The following GOLGA1 variants were observed in gnomAD, a reference collection of about 807,000 sequenced individuals.
GOLGA1 encodes golgin A1.
In GOLGA1, 63 loss-of-function variants were observed where a neutral mutation model predicts 119.7. That is an observed-to-expected ratio of 0.53 (90% confidence interval 0.43 to 0.65). The LOEUF (loss-of-function observed/expected upper bound fraction) is 0.65. Ranked by LOEUF, GOLGA1 falls within the 30% of genes least tolerant of loss-of-function variation. GOLGA1 has a pLI of 0.00. For synonymous variants in GOLGA1, 318 were observed against 333.4 expected (o/e 0.95, Z 0.50); for missense variants, 798 against 912.8 (o/e 0.87, Z 1.62).
chr9:124,888,202 A>T lies in GOLGA1; in HGVS notation c.1905+51T>A. 1 of 1,576,300 alleles carries T rather than the reference A, an allele frequency of 6.3e-7. No individual in the cohort carries two copies. The highest frequency in any genetic ancestry group is 8.7e-7 in the Non-Finnish European group (1 of 1,146,364). On this transcript the variant is annotated intron_variant, in intron 19 of 22. Transcript: ENST00000373555. This position sits in a 1 kb window ranked among gnomAD's most constrained non-coding sequence, Gnocchi z 4.4. ...GATGGACTGGGTCATTTTAGGCCTG[A>T]GGGTGAGGACCTGGTGGAGACAGAA...
At chr9:124,887,179 G>C (rs959926435) in intron 19 of GOLGA1, among the ~76,000 whole-genome samples, 1 of 152,244 alleles carries the variant, frequency 6.6e-6, no homozygotes, top group African/African-American at 2.4e-5. Flanking sequence ...AGCACAGCTG[G>C]TAAGGCCAGA....
chr9:124,923,073 C>T, intron 8 of GOLGA1, 22 bp downstream of exon 8: 1 of 1,567,514 alleles, frequency 6.4e-7, no homozygotes, highest in Non-Finnish European at 8.7e-7. Context: ...CAGTATTTAG[C>T]TACTAAAACA....
Position 124,881,122 on chromosome 9 carries a change from A to C in GOLGA1, c.2223+49T>G. 1.0e-6 allele frequency: 1 copy of C among 984,350 alleles called. No homozygotes were observed. The highest frequency in any genetic ancestry group is 2.4e-5 in the East Asian group (1 of 42,172). The allele number at this position is 984,350 out of a possible 1,614,324, so 61.0% of individuals were successfully genotyped here. On this transcript the variant is annotated intron_variant, in intron 22 of 22. Coordinates refer to ENST00000373555, the MANE Select transcript of GOLGA1 (RefSeq NM_002077.4). This position sits in a 1 kb window ranked among gnomAD's most constrained non-coding sequence, Gnocchi z 4.9. ...GGTCTTACACTGCTACTGCTGGGAT[A>C]ACTGACAACGTATCTTGGAAGCTGG...
intron 15 of GOLGA1, among the ~76,000 whole-genome samples, chr9:124,898,218 C>G (rs1371732264): frequency 1.3e-5 from 2 of 152,228 alleles, no homozygotes; most frequent in Non-Finnish European, 1.5e-5. Flanking sequence ...GACTTTCAAG[C>G]AGCTGTTGAT....
chr9:124,914,767 C>T (rs1365108049), intron 10 of GOLGA1, among the ~76,000 whole-genome samples: 3 of 152,210 alleles, frequency 2.0e-5, no homozygotes, highest in African/African-American at 4.8e-5. Flanking sequence ...GAATTTAAAT[C>T]CAGGTCTTCT....
rs749171996 is a variant in GOLGA1 at position 124,902,111 on chromosome 9, T to TATG, written c.1066-1565_1066-1564insCAT. 1.4e-3 allele frequency among the ~76,000 whole-genome samples: 211 copies of TATG among 152,112 alleles called. 1 individual carries two copies. Among genetic ancestry groups the TATG allele is most frequent in the Non-Finnish European group, 1.8e-3 (123 of 68,022 alleles). On this transcript the variant is annotated intron_variant, in intron 12 of 22. Coordinates refer to ENST00000373555, the MANE Select transcript of GOLGA1 (RefSeq NM_002077.4). ...AAGGTCTGGCCTTGGGGAGCTTTAT[T>TATG]ATTATTATTATTATTTTTGAGATGG...
chr9:124,915,104 T>C (rs904820296), intron 10 of GOLGA1, among the ~76,000 whole-genome samples: 3 of 152,058 alleles, frequency 2.0e-5, no homozygotes, highest in African/African-American at 7.2e-5. Flanking sequence ...CCCTCCCGAG[T>C]CTGGGTCTCA....
intron 3 of GOLGA1, among the ~76,000 whole-genome samples, chr9:124,932,548 A>G (rs1830788164): frequency 6.6e-6 from 1 of 152,212 alleles, no homozygotes; most frequent in African/African-American, 2.4e-5. Context: ...GATAACAAAC[A>G]GCATTTGCCT....
At chr9:124,918,483 T>G (rs765717987) in intron 10 of GOLGA1, among the ~76,000 whole-genome samples, 3 of 152,190 alleles carry the variant, frequency 2.0e-5, no homozygotes, top group East Asian at 3.9e-4. Flanking sequence ...GTCCCTTGAC[T>G]ATCAAAGTTG....
In GOLGA1 at chr9:124,881,998, C is replaced by A. The variant is rs1229119882; in HGVS notation, c.1966-44G>T. The A allele has an allele frequency of 6.9e-7, 1 of 1,447,086 alleles. No individual in the cohort carries two copies. Among genetic ancestry groups the A allele is most frequent in the Non-Finnish European group, 9.4e-7 (1 of 1,062,246 alleles). 89.6% of individuals were successfully genotyped at this position (1,447,086 alleles called of 1,614,324 possible). On this transcript the variant is annotated intron_variant, in intron 20 of 22. Coordinates refer to ENST00000373555, the MANE Select transcript of GOLGA1 (RefSeq NM_002077.4). This position sits in a 1 kb window ranked among gnomAD's most constrained non-coding sequence, Gnocchi z 4.9. ...AGATGCTACACCGAACCCTCTGAGA[C>A]AGGTGGAAAAAATCACACGGGAGGT... is the stretch of plus-strand genomic sequence containing the variant.
At position 124,931,402 on chromosome 9, in the gene GOLGA1, GA is replaced by G; in HGVS notation, c.139del (p.Ser47ProfsTer15). The G allele has an allele frequency of 1.3e-6, 2 of 1,542,204 alleles. No homozygotes were observed. Among genetic ancestry groups the G allele is most frequent in the Non-Finnish European group, 1.8e-6 (2 of 1,114,516 alleles). ...ATCTTCTCTGGAGCTGCTTCCATCG[GA>G]AGCCTGTTGAGGTAGACACAAGGAA... is the stretch of plus-strand genomic sequence containing the variant. ...MGADSGDDFASDGSSSREDLS... is the reference protein window; with the variant it reads ...MGADSGDDFAXDGSSSREDLS... On this transcript the variant is annotated frameshift_variant, in exon 4 of 23. Coordinates refer to ENST00000373555, the MANE Select transcript of GOLGA1 (RefSeq NM_002077.4). LOFTEE classifies it high-confidence loss of function.
chr9:124,902,492 A>AT (rs913895210), intron 12 of GOLGA1, among the ~76,000 whole-genome samples: 7 of 145,342 alleles, frequency 4.8e-5, no homozygotes, highest in Non-Finnish European at 7.5e-5. Context: ...CAAGGAGAGG[A>AT]TTTTTTTTCT....
At chr9:124,895,643 G>C (rs1216697555) in intron 15 of GOLGA1, among the ~76,000 whole-genome samples, 3 of 125,920 alleles carry the variant, frequency 2.4e-5, no homozygotes, top group Non-Finnish European at 4.9e-5. Flanking sequence ...ACGACAGAGA[G>C]CCTCCACGAC....
At chr9:124,911,099 T>C (rs988968656) in intron 11 of GOLGA1, among the ~76,000 whole-genome samples, 19 of 152,238 alleles carry the variant, frequency 1.2e-4, no homozygotes, top group Middle Eastern at 6.8e-3. Flanking sequence ...TAGAAGATGT[T>C]TAAGAGAGTG....
At chr9:124,912,612 G>A (rs1048067708) in intron 10 of GOLGA1, among the ~76,000 whole-genome samples, 29 of 152,110 alleles carry the variant, frequency 1.9e-4, no homozygotes, top group African/African-American at 6.3e-4. Flanking sequence ...GCGCGATCTC[G>A]GCTCACTGCA....
intron 10 of GOLGA1, among the ~76,000 whole-genome samples, chr9:124,917,858 T>C (rs1019439190): frequency 1.3e-5 from 2 of 150,678 alleles, no homozygotes; most frequent in Non-Finnish European, 2.9e-5. Flanking sequence ...TATATATATA[T>C]ATTTTTTTTT....
At chr9:124,923,654 C>CT (rs748214751) in intron 7 of GOLGA1, among the ~76,000 whole-genome samples, 4,287 of 142,368 alleles carry the variant, frequency 0.03, 78 homozygotes, top group Non-Finnish European at 0.04. Flanking sequence ...TTACGTAGAA[C>CT]TTTTTTTTTT....
At chr9:124,940,729 T>C (rs1350684813) in intron 1 of GOLGA1, among the ~76,000 whole-genome samples, 2 of 152,144 alleles carry the variant, frequency 1.3e-5, no homozygotes, top group African/African-American at 2.4e-5. Flanking sequence ...GCAAGGAAAC[T>C]GAGCCCTAGA....
In GOLGA1 at chr9:124,878,962, T is replaced by C. The variant is rs1829509696; in HGVS notation, c.*1568A>G. ...TCGTGTTCTAAACAAGGGATAACTG[T>C]CTGCAAGGAGGAGCCAGAGGAGGAG... On this transcript the variant is annotated 3_prime_UTR_variant, in exon 23 of 23. Transcript: ENST00000373555. 1 of 152,174 alleles carries C rather than the reference T, an allele frequency of 6.6e-6. No homozygotes were observed. Among genetic ancestry groups the C allele is most frequent in the Non-Finnish European group, 1.5e-5 (1 of 68,038 alleles). The allele number at this position is 152,174 out of a possible 1,614,324, so 9.4% of individuals were successfully genotyped here.
Sources: allele counts gnomAD v4.1 joint callset (sites outside exome capture counted in the v4.1 genomes callset), GRCh38; gene constraint gnomAD v4.1.1; non-coding constraint Gnocchi (gnomAD v3.1); transcripts MANE v1.5; gene names NCBI Gene and HGNC (gene_info 2026-07-23, HGNC 2026-07-21).